Variants in NUP153 observed in about 807,000 individuals in gnomAD.
The protein encoded by NUP153 is nucleoporin 153.
NUP153 carries 27 observed loss-of-function variants against 134.6 expected under a neutral mutation model. That is an observed-to-expected ratio of 0.20 (90% CI 0.15 to 0.28). The LOEUF (loss-of-function observed/expected upper bound fraction) is 0.28, where lower values mean the gene tolerates loss of function less well. Among genes scored for constraint, NUP153 ranks in the 10% least tolerant of loss-of-function variants. NUP153 has a pLI of 1.00. For missense variants in NUP153, 1,821 were observed against 1,731.3 expected, an observed-to-expected ratio of 1.05 and a Z score of -0.92; for synonymous variants, 640 against 623.5, an observed-to-expected ratio of 1.03 and a Z score of -0.40.
At chr6:17,645,592 G>A (rs1230743666) in intron 14 of NUP153, among the ~76,000 whole-genome samples, 1 of 151,512 alleles carries the variant, frequency 6.6e-6, no homozygotes, top group Non-Finnish European at 1.5e-5. Context: ...AATGACCCAT[G>A]GCCTCCTTCC....
chr6:17,701,224 T>TAA (rs80190785), intron 1 of NUP153, among the ~76,000 whole-genome samples: 18 of 121,034 alleles, frequency 1.5e-4, no homozygotes, highest in South Asian at 2.7e-4. Context: ...AAACTCTGTC[T>TAA]AAAAAAAAAA....
At chr6:17,639,116 C>T (rs1203813514) in intron 15 of NUP153, among the ~76,000 whole-genome samples, 1 of 151,426 alleles carries the variant, frequency 6.6e-6, no homozygotes, top group Non-Finnish European at 1.5e-5. Flanking sequence ...CTTGCTCTGT[C>T]GCCCAGGCTG....
intron 11 of NUP153, among the ~76,000 whole-genome samples, chr6:17,657,385 T>TA (rs151192201): frequency 0.25 from 34,134 of 137,670 alleles, 4,400 homozygotes; most frequent in Non-Finnish European, 0.3. Context: ...TCTACTAAAA[T>TA]AAAAAAATAA....
Position 17,680,320 on chromosome 6 carries a change from G to A in NUP153, c.335-4550C>T, listed in dbSNP as rs1039297444. On this transcript the variant is annotated intron_variant, in intron 2 of 21. Coordinates refer to ENST00000262077, the MANE Select transcript of NUP153 (RefSeq NM_005124.4). This position sits in a 1 kb window ranked among gnomAD's most constrained non-coding sequence, Gnocchi z 4.5. ...AATAAACTACCATATATGATCAAACGATCTTCAACAAGGATTTCAAGACCA... is the reference window on the plus strand; with the variant it reads ...AATAAACTACCATATATGATCAAACAATCTTCAACAAGGATTTCAAGACCA... Among the ~76,000 whole-genome samples, 22 of 152,210 alleles carry A rather than the reference G, an allele frequency of 1.4e-4. 1 individual carries two copies. Among genetic ancestry groups the A allele is most frequent in the South Asian group, 2.1e-4 (1 of 4,828 alleles).
chr6:17,691,680 G>A (rs1375883517), intron 1 of NUP153, among the ~76,000 whole-genome samples: 1 of 151,954 alleles, frequency 6.6e-6, no homozygotes, highest in African/African-American at 2.4e-5. Context: ...CAGGAGAATC[G>A]CTTGAACGTG....
intron 16 of NUP153, among the ~76,000 whole-genome samples, chr6:17,634,155 C>T (rs1183721857): frequency 6.6e-6 from 1 of 152,100 alleles, no homozygotes. Context: ...TGAGTAACAG[C>T]TTTTTTATTG....
intron 16 of NUP153, among the ~76,000 whole-genome samples, chr6:17,635,247 C>T (rs981395797): frequency 9.9e-5 from 15 of 151,602 alleles, no homozygotes; most frequent in African/African-American, 3.2e-4. Context: ...GTAGCTGGGA[C>T]TACAGGCACC....
chr6:17,676,863 G>T (rs2113836037), intron 2 of NUP153, among the ~76,000 whole-genome samples: 1 of 152,288 alleles, frequency 6.6e-6, no homozygotes, highest in African/African-American at 2.4e-5. Flanking sequence ...ATCCACAAGG[G>T]AGTGTCCAGT....
intron 14 of NUP153, among the ~76,000 whole-genome samples, chr6:17,641,413 T>G (rs548114107): frequency 4.6e-5 from 7 of 152,106 alleles, no homozygotes; most frequent in Non-Finnish European, 7.4e-5. Context: ...TACACACCTG[T>G]AGTCTCAGCT....
rs758514407 is a variant in NUP153, at chr6:17,703,673, G to A, written c.111+2604C>T. Reference sequence around the variant, plus strand: ...TTAAGATTAAAAAAAAAAAAAAGGAGAGTATTCTTTTGAATATACCTGAAT... The same window carrying A: ...TTAAGATTAAAAAAAAAAAAAAGGAAAGTATTCTTTTGAATATACCTGAAT... On this transcript the variant is annotated intron_variant, in intron 1 of 21. Transcript: ENST00000262077. 2.7e-5 allele frequency among the ~76,000 whole-genome samples: 4 copies of A among 150,676 alleles called. No individual in the cohort carries two copies. The East Asian group carries it at 5.9e-4, about 22-fold the overall frequency.
chr6:17,705,312 A>C lies in NUP153; in HGVS notation c.111+965T>G, dbSNP rs1373074862. On this transcript the variant is annotated intron_variant, in intron 1 of 21. Transcript: ENST00000262077. ...AACATTTTCCTATTCAATACTTCTAACAATCAATATTTTAAAAATGGAATT... is the reference window on the plus strand; with the variant it reads ...AACATTTTCCTATTCAATACTTCTACCAATCAATATTTTAAAAATGGAATT... 1.3e-5 allele frequency among the ~76,000 whole-genome samples: 2 copies of C among 152,178 alleles called. 1 individual carries two copies. The highest frequency in any genetic ancestry group is 2.9e-5 in the Non-Finnish European group (2 of 68,036).
chr6:17,656,437 A>C (rs868047661), intron 11 of NUP153, among the ~76,000 whole-genome samples: 13 of 151,834 alleles, frequency 8.6e-5, no homozygotes, highest in Non-Finnish European at 1.6e-4. Context: ...AGTTTTTTTT[A>C]TTTGTTATTT....
chr6:17,704,731 A>G (rs961538418), intron 1 of NUP153, among the ~76,000 whole-genome samples: 1 of 36,240 alleles, frequency 2.8e-5, no homozygotes, highest in Non-Finnish European at 5.8e-5. Flanking sequence ...ACTAGAAGAC[A>G]AAAAAAAAAA....
At chr6:17,634,630 C>G (rs1420232325) in intron 16 of NUP153, among the ~76,000 whole-genome samples, 2 of 152,048 alleles carry the variant, frequency 1.3e-5, no homozygotes, top group Admixed American at 6.5e-5. Context: ...AGAGACAGGG[C>G]TTTGCCATGT....
chr6:17,662,221 T>C lies in NUP153; in HGVS notation c.1216-151A>G, dbSNP rs1377644893. ...TGAAATTTGAAATTACACCCTGCCT[T>C]CTGAATGGTAACCAAGAGTTACAGT... On this transcript the variant is annotated intron_variant, in intron 9 of 21. Transcript: ENST00000262077. 38 of 667,392 alleles carry C rather than the reference T, an allele frequency of 5.7e-5. No homozygotes were observed. The Admixed American group carries it at 1.1e-3, about 19-fold the overall frequency. 41.3% of individuals were successfully genotyped at this position (667,392 alleles called of 1,614,324 possible).
chr6:17,627,769 T>C (rs960110481), intron 18 of NUP153, among the ~76,000 whole-genome samples: 1 of 152,262 alleles, frequency 6.6e-6, no homozygotes, highest in Non-Finnish European at 1.5e-5. Context: ...AATTAGAAGA[T>C]GATGCTAATC....
At chr6:17,704,825 T>A (rs1770372954) in intron 1 of NUP153, among the ~76,000 whole-genome samples, 2 of 151,750 alleles carry the variant, frequency 1.3e-5, no homozygotes, top group South Asian at 4.2e-4. Flanking sequence ...AGGGGCAAGA[T>A]CTCTGCTCAC....
chr6:17,629,607 CTG>C, intron 17 of NUP153, 68 bp from the exon 18 acceptor site: 1 of 1,406,032 alleles, frequency 7.1e-7, no homozygotes, highest in Non-Finnish European at 9.5e-7. Context: ...AATGTAAACA[CTG>C]TGAAAGCCAA....
Position 17,629,261 on chromosome 6 carries a change from T to C in NUP153, c.2938A>G (p.Asn980Asp), listed in dbSNP as rs777575823. Residue 980 changes from asparagine (N) to aspartate (D), a missense_variant, in exon 18 of 22, where the codon AAT becomes GAT. Physicochemically the swap from Asn to Asp is conservative, Grantham distance 23. Transcript: ENST00000262077. ...CCAGAAGAAAGTCCAAACTTAAAAT[T>C]ATCATTCTTACTATCTTTTTTAACT... ...EEVKKDSKND[N>D]FKFGLSSGLS... The C allele has an allele frequency of 1.2e-5, 20 of 1,612,410 alleles. No homozygotes were observed. The highest frequency in any genetic ancestry group is 1.6e-5 in the Non-Finnish European group (19 of 1,179,602).
Sources: allele counts gnomAD v4.1 joint callset (sites outside exome capture counted in the v4.1 genomes callset), GRCh38; gene constraint gnomAD v4.1.1; non-coding constraint Gnocchi (gnomAD v3.1); transcripts MANE v1.5; gene names NCBI Gene and HGNC (gene_info 2026-07-23, HGNC 2026-07-21).